PRKN: variants seen among roughly 807,000 people sequenced by gnomAD.
PRKN encodes E3 ubiquitin-protein ligase parkin.
In PRKN, 56 loss-of-function variants were observed where a neutral mutation model predicts 59.5. The ratio of observed to expected loss-of-function variants is 0.94; its 90% CI spans 0.76 to 1.18. The LOEUF (loss-of-function observed/expected upper bound fraction) is 1.18, where lower values mean the gene tolerates loss of function less well. Among genes scored for constraint, PRKN ranks in the 50% most tolerant of loss-of-function variants. PRKN has a pLI of 0.00. For synonymous variants in PRKN, 250 were observed against 222.1 expected (o/e 1.13, Z -1.12); for missense variants, 657 against 596.4 (o/e 1.10, Z -1.06).
chr6:162,502,812 T>C (rs1793431213), intron 1 of PRKN, among the ~76,000 whole-genome samples: 1 of 152,104 alleles, frequency 6.6e-6, no homozygotes, highest in African/African-American at 2.4e-5. Flanking sequence ...AGAGTCTAAA[T>C]GATATTTCAA....
chr6:161,839,748 G>A (rs574133872), intron 6 of PRKN, among the ~76,000 whole-genome samples: 1 of 152,322 alleles, frequency 6.6e-6, no homozygotes, highest in South Asian at 2.1e-4. Context: ...TGGAGCTACA[G>A]GAGGGGCGCA....
At chr6:162,153,043 A>T (rs1782341509) in intron 4 of PRKN, among the ~76,000 whole-genome samples, 1 of 152,232 alleles carries the variant, frequency 6.6e-6, no homozygotes, top group South Asian at 2.1e-4. Flanking sequence ...TAAATGCCTG[A>T]ATTACCAGGG....
chr6:162,713,525 T>C (rs1778618131), intron 1 of PRKN, among the ~76,000 whole-genome samples: 1 of 150,678 alleles, frequency 6.6e-6, no homozygotes, highest in African/African-American at 2.4e-5. Flanking sequence ...ATTAGGTCTC[T>C]TTTGCTACAA....
At chr6:161,779,413 CTTTTTTTTCTCT>C (rs1263030403) in intron 7 of PRKN, among the ~76,000 whole-genome samples, 3 of 90,996 alleles carry the variant, frequency 3.3e-5, no homozygotes, top group African/African-American at 1.1e-4. Context: ...CCTTTCTTTT[CTTTTTTTTCTCT>C]TTTTCTTTTC....
At chr6:162,597,005 C>T (rs1781518682) in intron 1 of PRKN, among the ~76,000 whole-genome samples, 1 of 152,104 alleles carries the variant, frequency 6.6e-6, no homozygotes, top group African/African-American at 2.4e-5. Flanking sequence ...AGGGCTCCTC[C>T]CAAGTCTAAA....
At position 161,859,369 on chromosome 6, in the gene PRKN, C is replaced by T. The variant is rs188208189; in HGVS notation, c.735-73461G>A. Reference sequence around the variant, plus strand: ...CCTGTAATCCCAGCACTTTGGGAGGCCAAGGCGGGTGGATCACAAGGTCAG... The same window carrying T: ...CCTGTAATCCCAGCACTTTGGGAGGTCAAGGCGGGTGGATCACAAGGTCAG... On this transcript the variant is annotated intron_variant, in intron 6 of 11. Transcript: ENST00000366898. Among the ~76,000 whole-genome samples the T allele has an allele frequency of 7.7e-3, 1,165 of 151,930 alleles. 5 individuals are homozygous for T. The highest frequency in any genetic ancestry group is 0.013 in the Non-Finnish European group (866 of 67,962).
intron 7 of PRKN, among the ~76,000 whole-genome samples, chr6:161,626,266 G>A (rs370444830): frequency 5.3e-5 from 8 of 152,236 alleles, no homozygotes; most frequent in African/African-American, 1.9e-4. Context: ...CAGATTTCCT[G>A]TGGCTTTTTA....
At chr6:161,374,729 CAT>C (rs1391178176) in intron 10 of PRKN, among the ~76,000 whole-genome samples, 126 of 2,596 alleles carry the variant, frequency 0.049, no homozygotes, top group East Asian at 0.16. Context: ...GCATGTGTGA[CAT>C]ATGTGTGGTG....
In PRKN at chr6:162,478,108, T is replaced by C. The variant is rs528979477; in HGVS notation, c.8-34635A>G. On this transcript the variant is annotated intron_variant, in intron 1 of 11. Transcript: ENST00000366898. ...CCCTAGTACCTACCACAGTCTCCCA[T>C]ATAGGAGACATTCACATGTATTTGT... 7.9e-5 allele frequency among the ~76,000 whole-genome samples: 12 copies of C among 152,222 alleles called. No individual in the cohort carries two copies. The East Asian group carries it at 2.1e-3, about 27-fold the overall frequency.
At chr6:162,281,516 T>TA (rs1263783053) in intron 2 of PRKN, among the ~76,000 whole-genome samples, 2 of 152,190 alleles carry the variant, frequency 1.3e-5, no homozygotes. Flanking sequence ...TTCAGCTATC[T>TA]AACCTGCTAT....
At chr6:161,620,370 G>A (rs1782853086) in intron 7 of PRKN, among the ~76,000 whole-genome samples, 2 of 152,024 alleles carry the variant, frequency 1.3e-5, no homozygotes, top group South Asian at 4.2e-4. Flanking sequence ...ACAGCCCATT[G>A]TCCCAAGACA....
intron 11 of PRKN, among the ~76,000 whole-genome samples, chr6:161,358,701 T>C (rs988827470): frequency 6.6e-6 from 1 of 151,638 alleles, no homozygotes; most frequent in African/African-American, 2.4e-5. Context: ...GGCCCTTCCG[T>C]GTTCTTTCCC....
chr6:162,385,506 C>T (rs1032312233), intron 2 of PRKN, among the ~76,000 whole-genome samples: 1 of 152,110 alleles, frequency 6.6e-6, no homozygotes, highest in Non-Finnish European at 1.5e-5. Flanking sequence ...GTGCACTATC[C>T]TGAGGAGGAT....
intron 6 of PRKN, among the ~76,000 whole-genome samples, chr6:161,799,848 G>T (rs753689219): frequency 2.6e-5 from 4 of 152,330 alleles, no homozygotes; most frequent in Admixed American, 2.6e-4. Flanking sequence ...CAGGTCTGGC[G>T]TAAGAGGGTT....
chr6:161,476,219 C>T (rs182914467), intron 9 of PRKN, among the ~76,000 whole-genome samples: 20 of 151,958 alleles, frequency 1.3e-4, no homozygotes, highest in Admixed American at 1.2e-3. Flanking sequence ...AAGATAGTGT[C>T]CAAACTGTTC....
At chr6:162,537,331 C>T (rs1778759801) in intron 1 of PRKN, among the ~76,000 whole-genome samples, 1 of 152,192 alleles carries the variant, frequency 6.6e-6, no homozygotes, top group Non-Finnish European at 1.5e-5. Flanking sequence ...CACTCCGTAG[C>T]CTAAAGCTTC....
intron 2 of PRKN, among the ~76,000 whole-genome samples, chr6:162,402,871 T>C (rs2128150485): frequency 6.6e-6 from 1 of 152,036 alleles, no homozygotes; most frequent in South Asian, 2.1e-4. Context: ...CCGGGCTGGT[T>C]TCACACTCCT....
At chr6:162,333,867 C>T (rs1183070108) in intron 2 of PRKN, among the ~76,000 whole-genome samples, 4 of 152,154 alleles carry the variant, frequency 2.6e-5, no homozygotes, top group Non-Finnish European at 5.9e-5. Flanking sequence ...GTTGTGAATG[C>T]TAAGAAAACT....
chr6:161,827,509 C>CT (rs5881438), intron 6 of PRKN, among the ~76,000 whole-genome samples: 74,252 of 124,694 alleles, frequency 0.6, 23,310 homozygotes, highest in Middle Eastern at 0.7. Flanking sequence ...ATTGATTTTA[C>CT]TTTTTTTTTT....
Sources: allele counts gnomAD v4.1 joint callset (sites outside exome capture counted in the v4.1 genomes callset), GRCh38; gene constraint gnomAD v4.1.1; transcripts MANE v1.5; gene names NCBI Gene and HGNC (gene_info 2026-07-23, HGNC 2026-07-21).